The following RRAS2 variants were observed in gnomAD, a reference collection of about 807,000 sequenced individuals.
RRAS2 encodes the protein RAS related 2, also known as ras-related protein R-Ras2.
In RRAS2, 7 loss-of-function variants were observed where a neutral mutation model predicts 27.6. The ratio of observed to expected loss-of-function variants is 0.25; its 90% CI spans 0.14 to 0.48. The LOEUF is 0.48. Among genes scored for constraint, RRAS2 ranks in the 20% least tolerant of loss-of-function variants. The pLI is 0.99. For missense variants in RRAS2, 178 were observed against 256.2 expected, an observed-to-expected ratio of 0.69 and a Z score of 2.08; for synonymous variants, 86 against 90.9, an observed-to-expected ratio of 0.95 and a Z score of 0.31.
At chr11:14,283,823 T>G (rs1554944690) in intron 4 of RRAS2, among the ~76,000 whole-genome samples, 1 of 152,178 alleles carries the variant, frequency 6.6e-6, no homozygotes, top group African/African-American at 2.4e-5. Context: ...CTTGTCAATT[T>G]GACTGATCTT....
chr11:14,308,516 C>T (rs565182854), intron 1 of RRAS2, among the ~76,000 whole-genome samples: 2 of 152,286 alleles, frequency 1.3e-5, no homozygotes, highest in East Asian at 1.9e-4. Flanking sequence ...ACACGTTTAG[C>T]TCCTACAATA....
chr11:14,331,788 T>C (rs1554951931), intron 1 of RRAS2, among the ~76,000 whole-genome samples: 1 of 152,006 alleles, frequency 6.6e-6, no homozygotes, highest in Non-Finnish European at 1.5e-5. Context: ...AGAAACTATC[T>C]GTAATACACA....
At chr11:14,322,780 T>C (rs1848256053) in intron 1 of RRAS2, among the ~76,000 whole-genome samples, 1 of 152,054 alleles carries the variant, frequency 6.6e-6, no homozygotes, top group Non-Finnish European at 1.5e-5. Context: ...AGATTCCGGA[T>C]TAAATGTTAA....
At chr11:14,282,577 A>G (rs1346523719) in intron 4 of RRAS2, among the ~76,000 whole-genome samples, 2 of 152,190 alleles carry the variant, frequency 1.3e-5, no homozygotes, top group African/African-American at 2.4e-5. Flanking sequence ...GCTTAAAATT[A>G]TATTTCTGAA....
chr11:14,294,632 T>A, intron 3 of RRAS2, 53 bp from the exon 4 acceptor site: 1 of 1,498,854 alleles, frequency 6.7e-7, no homozygotes, highest in Non-Finnish European at 9.1e-7. Flanking sequence ...AGTATCAGAA[T>A]TCAGCAAGTC....
intron 1 of RRAS2, among the ~76,000 whole-genome samples, chr11:14,347,156 C>T (rs1267611971): frequency 6.6e-6 from 1 of 152,134 alleles, no homozygotes; most frequent in East Asian, 1.9e-4. Context: ...GAGCAAGACC[C>T]TGTCTCTAAA....
At chr11:14,284,916 A>C (rs1177978726) in intron 4 of RRAS2, among the ~76,000 whole-genome samples, 1 of 152,204 alleles carries the variant, frequency 6.6e-6, no homozygotes, top group East Asian at 1.9e-4. Flanking sequence ...CATTTAAAGT[A>C]GATTTCTTGT....
At position 14,358,496 on chromosome 11, in the gene RRAS2, G is replaced by C. The variant is rs1332366144; in HGVS notation, c.108+267C>G. On this transcript the variant is annotated intron_variant, in intron 1 of 5. Coordinates refer to ENST00000256196, the MANE Select transcript of RRAS2 (RefSeq NM_012250.6). This position sits in a 1 kb window ranked among gnomAD's most constrained non-coding sequence, Gnocchi z 5.1. ...CTCGGCCAGAGCAATAAGGTGGATC[G>C]GTGCTTCCCACCCTTCCAGCTCCGC... is the stretch of plus-strand genomic sequence containing the variant. 1.0e-6 allele frequency: 1 copy of C among 985,492 alleles called. No homozygotes were observed. The highest frequency in any genetic ancestry group is 1.2e-6 in the Non-Finnish European group (1 of 830,162). 61.0% of individuals were successfully genotyped at this position (985,492 alleles called of 1,614,324 possible).
At chr11:14,341,790 A>C in intron 1 of RRAS2, 1 of 454,150 alleles carries the variant, frequency 2.2e-6, no homozygotes, top group South Asian at 1.6e-5. Flanking sequence ...TTATGAAAAA[A>C]TATAAATACG....
At chr11:14,339,455 GA>G (rs1278228821) in intron 1 of RRAS2, among the ~76,000 whole-genome samples, 2 of 152,176 alleles carry the variant, frequency 1.3e-5, no homozygotes, top group Non-Finnish European at 2.9e-5. Context: ...GATGTTGCCA[GA>G]TTCTAGGATC....
chr11:14,279,431 G>A lies in RRAS2; in HGVS notation c.528-7C>T, dbSNP rs1158972463. 1 of 1,600,778 alleles carries A rather than the reference G, an allele frequency of 6.2e-7. No homozygotes were observed. The highest frequency in any genetic ancestry group is 8.6e-7 in the Non-Finnish European group (1 of 1,168,350). ...TTCCTGCTCTTGAAATTTCCTGTAAGATAAAAAATTCTAAAATATAATTGC... is the reference window on the plus strand; with the variant it reads ...TTCCTGCTCTTGAAATTTCCTGTAAAATAAAAAATTCTAAAATATAATTGC... On this transcript the variant is annotated splice_region_variant and splice_polypyrimidine_tract_variant and intron_variant, in intron 5 of 5. Transcript: ENST00000256196.
At chr11:14,330,950 A>C (rs1331425906) in intron 1 of RRAS2, among the ~76,000 whole-genome samples, 7 of 152,168 alleles carry the variant, frequency 4.6e-5, no homozygotes, top group African/African-American at 1.4e-4. Context: ...GAGACAGTTC[A>C]CTGTTGCTCA....
chr11:14,296,654 C>T (rs1450292163), intron 1 of RRAS2, among the ~76,000 whole-genome samples: 1 of 152,130 alleles, frequency 6.6e-6, no homozygotes, highest in Non-Finnish European at 1.5e-5. Flanking sequence ...TGTCTTATTC[C>T]CCTTTCAACT....
chr11:14,357,694 A>G (rs1027324031), intron 1 of RRAS2, among the ~76,000 whole-genome samples: 6 of 152,208 alleles, frequency 3.9e-5, no homozygotes, highest in African/African-American at 1.4e-4. Flanking sequence ...TATCCCAATT[A>G]ATGACAAATG....
chr11:14,359,114 G>C lies in RRAS2; in HGVS notation c.-244C>G. ...GGCCAGGGGCGGCAGCGGCCGGGGG[G>C]CGCGCTCCTCTACGCGTCTCCGCAG... On this transcript the variant is annotated 5_prime_UTR_variant, in exon 1 of 6. Transcript: ENST00000256196. 1.9e-6 allele frequency: 2 copies of C among 1,054,676 alleles called. No homozygotes were observed. The highest frequency in any genetic ancestry group is 2.3e-6 in the Non-Finnish European group (2 of 875,856). 65.3% of individuals were successfully genotyped at this position (1,054,676 alleles called of 1,614,324 possible).
chr11:14,357,430 T>C (rs1554955606), intron 1 of RRAS2, among the ~76,000 whole-genome samples: 1 of 152,218 alleles, frequency 6.6e-6, no homozygotes, highest in African/African-American at 2.4e-5. Flanking sequence ...CCTGATTCTG[T>C]AGCCTGCTAA....
At chr11:14,319,666 C>T (rs1848185515) in intron 1 of RRAS2, among the ~76,000 whole-genome samples, 1 of 152,164 alleles carries the variant, frequency 6.6e-6, no homozygotes, top group Non-Finnish European at 1.5e-5. Context: ...CCGGTTCCCT[C>T]TGTCTTCTAA....
chr11:14,334,301 T>C (rs950441523), intron 1 of RRAS2, among the ~76,000 whole-genome samples: 1 of 152,194 alleles, frequency 6.6e-6, no homozygotes, highest in Non-Finnish European at 1.5e-5. Context: ...TTTTTTTTCC[T>C]ATTCAGTGAG....
chr11:14,339,184 T>C (rs782782617), intron 1 of RRAS2, among the ~76,000 whole-genome samples: 1 of 145,882 alleles, frequency 6.9e-6, no homozygotes. Context: ...CCCACACCTG[T>C]AATCCCAGTA....
Sources: allele counts gnomAD v4.1 joint callset (sites outside exome capture counted in the v4.1 genomes callset), GRCh38; gene constraint gnomAD v4.1.1; non-coding constraint Gnocchi (gnomAD v3.1); transcripts MANE v1.5; gene names NCBI Gene and HGNC (gene_info 2026-07-23, HGNC 2026-07-21).